TMIGD3: variants seen among roughly 807,000 people sequenced by gnomAD.
TMIGD3 encodes the protein AD026 protein (AD026).
A neutral mutation model predicts 28.1 loss-of-function variants in TMIGD3; 21 were observed. The observed-to-expected ratio is 0.75, with a 90% CI of 0.53 to 1.08. TMIGD3 has a LOEUF of 1.08. Among genes scored for constraint, TMIGD3 ranks in the 50% least tolerant of loss-of-function variants. TMIGD3 has a pLI of 0.00. For synonymous variants in TMIGD3, 151 were observed against 162.1 expected, an observed-to-expected ratio of 0.93 and a Z score of 0.52; for missense variants, 416 against 435.6, an observed-to-expected ratio of 0.96 and a Z score of 0.40.
chr1:111,519,849 C>T (rs1184110833), intron 1 of TMIGD3, among the ~76,000 whole-genome samples: 1 of 152,024 alleles, frequency 6.6e-6, no homozygotes, highest in African/African-American at 2.4e-5. Flanking sequence ...CCTGCCACCA[C>T]ACCCAGCTAA....
intron 1 of TMIGD3, among the ~76,000 whole-genome samples, chr1:111,527,629 C>A (rs1656312328): frequency 6.6e-6 from 1 of 152,222 alleles, no homozygotes; most frequent in African/African-American, 2.4e-5. Flanking sequence ...TTTCCCCCAG[C>A]AATGAATGCA....
At chr1:111,516,353 C>T (rs931406369) in intron 1 of TMIGD3, among the ~76,000 whole-genome samples, 1 of 152,148 alleles carries the variant, frequency 6.6e-6, no homozygotes, top group Non-Finnish European at 1.5e-5. Flanking sequence ...CTCAGGGCGA[C>T]GTCAGAAAAG....
intron 1 of TMIGD3, among the ~76,000 whole-genome samples, chr1:111,491,014 A>G (rs960646320): frequency 6.6e-6 from 1 of 152,264 alleles, no homozygotes. Flanking sequence ...ACATGCACAC[A>G]GCCATCACTG....
At chr1:111,509,721 C>T (rs1655628571) in intron 1 of TMIGD3, among the ~76,000 whole-genome samples, 1 of 152,254 alleles carries the variant, frequency 6.6e-6, no homozygotes, top group South Asian at 2.1e-4. Flanking sequence ...TCCTACTGCA[C>T]AAGGTCATTT....
intron 1 of TMIGD3, among the ~76,000 whole-genome samples, chr1:111,516,350 C>T (rs937449053): frequency 6.6e-6 from 1 of 152,142 alleles, no homozygotes; most frequent in Non-Finnish European, 1.5e-5. Flanking sequence ...TGGCTCAGGG[C>T]GACGTCAGAA....
At chr1:111,506,739 GA>G (rs2100989517), upstream of TMIGD3, among the ~76,000 whole-genome samples, 1 of 152,120 alleles carries the variant, frequency 6.6e-6, no homozygotes, top group Non-Finnish European at 1.5e-5. Flanking sequence ...GTATAATGTA[GA>G]TTTGGCAACT....
At chr1:111,534,316 G>A (rs1050132488) in intron 1 of TMIGD3, among the ~76,000 whole-genome samples, 7 of 152,160 alleles carry the variant, frequency 4.6e-5, no homozygotes, top group Non-Finnish European at 5.9e-5. Context: ...GTAAGAAACT[G>A]TAGTGTACAT....
chr1:111,554,122 C>T (rs1657384011), intron 1 of TMIGD3, among the ~76,000 whole-genome samples: 1 of 152,228 alleles, frequency 6.6e-6, no homozygotes, highest in Non-Finnish European at 1.5e-5. Flanking sequence ...TATTACTTAA[C>T]TTCCCTATGC....
At chr1:111,510,800 T>C (rs1224731593) in intron 1 of TMIGD3, among the ~76,000 whole-genome samples, 1 of 152,188 alleles carries the variant, frequency 6.6e-6, no homozygotes, top group Non-Finnish European at 1.5e-5. Context: ...CAGTCTGTCA[T>C]GCAGGGATAC....
chr1:111,539,999 C>T (rs751798148), intron 1 of TMIGD3, among the ~76,000 whole-genome samples: 7 of 151,994 alleles, frequency 4.6e-5, no homozygotes, highest in Admixed American at 2.6e-4. Context: ...AGAAACTTAG[C>T]GATGCACCAT....
intron 1 of TMIGD3, among the ~76,000 whole-genome samples, chr1:111,521,737 A>C (rs1024376812): frequency 1.3e-5 from 2 of 152,308 alleles, no homozygotes; most frequent in East Asian, 3.9e-4. Context: ...TACATTCTTA[A>C]GAGTGCCTTA....
upstream of TMIGD3, among the ~76,000 whole-genome samples, chr1:111,506,399 C>G (rs1655490386): frequency 6.6e-6 from 1 of 152,212 alleles, no homozygotes; most frequent in Non-Finnish European, 1.5e-5. Flanking sequence ...TGTTAAGCAG[C>G]TTCTATTCAC....
intron 1 of TMIGD3, among the ~76,000 whole-genome samples, chr1:111,555,819 A>G (rs1427234965): frequency 6.6e-6 from 1 of 152,160 alleles, no homozygotes; most frequent in East Asian, 1.9e-4. Context: ...TTAGAAGAAA[A>G]CATAAGGGGA....
At position 111,485,727 on chromosome 1, in the gene TMIGD3, A is replaced by AAAAAAAACAAAACCC; in HGVS notation, c.973+12_973+13insGGGTTTTGTTTTTTT. The AAAAAAAACAAAACCC allele has an allele frequency of 7.1e-7, 1 of 1,417,888 alleles. No individual in the cohort carries two copies. The highest frequency in any genetic ancestry group is 1.2e-5 in the South Asian group (1 of 82,316). The allele number at this position is 1,417,888 out of a possible 1,614,324, so 87.8% of individuals were successfully genotyped here. The stretch of plus-strand genomic sequence containing the variant: ...ATTCTTGCCCACCCCCTCCCTCAAC[A>AAAAAAAACAAAACCC]ATAGCTACTTACCCCTTCTATTCCT... On this transcript the variant is annotated intron_variant, in intron 5 of 5. Transcript: ENST00000369716.
At chr1:111,491,329 T>C (rs925084555) in intron 1 of TMIGD3, among the ~76,000 whole-genome samples, 10 of 152,256 alleles carry the variant, frequency 6.6e-5, no homozygotes, top group Non-Finnish European at 1.2e-4. Flanking sequence ...TCAGACTTCC[T>C]GAAAGCTTTC....
At chr1:111,526,110 A>AT (rs1053940234) in intron 1 of TMIGD3, among the ~76,000 whole-genome samples, 14 of 151,604 alleles carry the variant, frequency 9.2e-5, no homozygotes, top group African/African-American at 3.2e-4. Context: ...AATATACTTT[A>AT]TTTTTTAGAG....
At chr1:111,545,047 C>T (rs1440573006) in intron 1 of TMIGD3, among the ~76,000 whole-genome samples, 3 of 135,990 alleles carry the variant, frequency 2.2e-5, no homozygotes, top group Non-Finnish European at 4.8e-5. Flanking sequence ...CAATTTGGTA[C>T]ATACCCAATT....
chr1:111,552,827 C>T (rs1657323380), intron 1 of TMIGD3, among the ~76,000 whole-genome samples: 1 of 152,296 alleles, frequency 6.6e-6, no homozygotes, highest in Admixed American at 6.5e-5. Context: ...AAAAGTATTG[C>T]TATGAGGATT....
intron 1 of TMIGD3, among the ~76,000 whole-genome samples, chr1:111,534,790 T>C (rs11590273): frequency 1.3e-5 from 2 of 152,042 alleles, no homozygotes; most frequent in Admixed American, 6.6e-5. Flanking sequence ...TGCATGTGCA[T>C]ATGTGTGAGT....
Sources: gnomAD v4.1 joint callset for allele counts (sites outside exome capture counted in the v4.1 genomes callset) on GRCh38, gnomAD v4.1.1 for gene constraint, MANE v1.5 for transcripts, NCBI Gene and HGNC (gene_info 2026-07-23, HGNC 2026-07-21) for gene names.